The following MTCH2 variants were observed in gnomAD, a reference collection of about 807,000 sequenced individuals.
MTCH2 encodes mitochondrial carrier homolog 2.
MTCH2 carries 25 observed loss-of-function variants against 50.6 expected under a neutral mutation model. The observed-to-expected ratio is 0.49, with a 90% confidence interval of 0.36 to 0.69. MTCH2 has a LOEUF of 0.69. Ranked by LOEUF, MTCH2 falls within the 30% of genes least tolerant of loss-of-function variation. MTCH2 has a pLI of 0.00. For synonymous variants in MTCH2, 106 were observed against 132.0 expected (o/e 0.80, Z 1.35); for missense variants, 273 against 384.4 (o/e 0.71, Z 2.42).
the MTCH2 span, among the ~76,000 whole-genome samples, chr11:47,609,124 CAAAAAAAA>C: frequency 1.1e-5 from 1 of 89,918 alleles, no homozygotes; most frequent in East Asian, 3.3e-4. Flanking sequence ...AACTCTGTCT[CAAAAAAAA>C]AAAAAAAAAA....
chr11:47,639,912 T>C (rs747861356), intron 1 of MTCH2, among the ~76,000 whole-genome samples: 8 of 152,180 alleles, frequency 5.3e-5, no homozygotes, highest in Non-Finnish European at 1.2e-4. Flanking sequence ...CCATTTTATA[T>C]AGTTAATGAT....
chr11:47,619,583 A>G (rs2097291329), intron 12 of MTCH2, among the ~76,000 whole-genome samples: 1 of 152,110 alleles, frequency 6.6e-6, no homozygotes, highest in Non-Finnish European at 1.5e-5. Context: ...ACTACTTATA[A>G]AATCTTATAA....
chr11:47,625,645 T>A, intron 11 of MTCH2, 29 bp downstream of exon 11: 3 of 1,226,142 alleles, frequency 2.4e-6, no homozygotes, highest in Non-Finnish European at 3.1e-6. Context: ...GTCAACCACC[T>A]ACTAGAATAA....
At chr11:47,616,848 T>C (rs1052758417), downstream of MTCH2, among the ~76,000 whole-genome samples, 1 of 151,992 alleles carries the variant, frequency 6.6e-6, no homozygotes, top group Non-Finnish European at 1.5e-5. Flanking sequence ...CATGCCCGGC[T>C]AATTTTGTTA....
downstream of MTCH2, among the ~76,000 whole-genome samples, chr11:47,612,339 G>A (rs901026792): frequency 6.6e-6 from 1 of 152,154 alleles, no homozygotes; most frequent in Admixed American, 6.5e-5. Flanking sequence ...AGGCTGAGAT[G>A]GGCGGATCAT....
In MTCH2 at chr11:47,635,370, C is replaced by T. The variant is rs376713238; in HGVS notation, c.306+175G>A. Among the ~76,000 whole-genome samples, 227 of 152,280 alleles carry T rather than the reference C, an allele frequency of 1.5e-3. 5 individuals carry two copies. The South Asian group carries it at 0.046, about 31-fold the overall frequency. On this transcript the variant is annotated intron_variant, in intron 4 of 12. Transcript: ENST00000302503. ...GATTACAGGCATGAGCCACCATGCC[C>T]AGCCATCCTGATGGTTTCAAACAGA...
chr11:47,614,874 A>G (rs2097287443), downstream of MTCH2, among the ~76,000 whole-genome samples: 1 of 152,030 alleles, frequency 6.6e-6, no homozygotes, highest in Admixed American at 6.6e-5. Context: ...CACCGCACCC[A>G]GTCTTTTATT....
At chr11:47,615,053 TTTTTTTTTG>T, downstream of MTCH2, among the ~76,000 whole-genome samples, 1 of 134,176 alleles carries the variant, frequency 7.5e-6, no homozygotes, top group African/African-American at 2.8e-5. Context: ...TTTTTTTTTT[TTTTTTTTTG>T]GCTCTCAGTT....
intron 8 of MTCH2, among the ~76,000 whole-genome samples, chr11:47,630,283 A>G (rs1168025051): frequency 6.6e-6 from 1 of 152,236 alleles, no homozygotes; most frequent in Non-Finnish European, 1.5e-5. Flanking sequence ...CTGGGATTAC[A>G]GGCGTGAGCC....
chr11:47,632,818 C>T (rs975720528), intron 5 of MTCH2, among the ~76,000 whole-genome samples: 47 of 152,020 alleles, frequency 3.1e-4, no homozygotes, highest in Non-Finnish European at 4.0e-4. Flanking sequence ...CCCGCCTCAG[C>T]CTCCTGAGTA....
At chr11:47,621,654 C>A (rs1379520195) in intron 12 of MTCH2, among the ~76,000 whole-genome samples, 2 of 152,074 alleles carry the variant, frequency 1.3e-5, no homozygotes, top group Non-Finnish European at 2.9e-5. Flanking sequence ...AGGCTGGTCT[C>A]AAACTCCTGA....
chr11:47,630,052 G>A (rs184205527), intron 8 of MTCH2, among the ~76,000 whole-genome samples: 125 of 151,884 alleles, frequency 8.2e-4, no homozygotes, highest in Admixed American at 7.1e-3. Context: ...TTTTTGAGAC[G>A]GAGTCTCACT....
intron 8 of MTCH2, 152 bp downstream of exon 8, chr11:47,630,403 G>T (rs1042976955): frequency 6.1e-6 from 4 of 657,490 alleles, no homozygotes; most frequent in Non-Finnish European, 1.0e-5. Context: ...AGAGAAAAAA[G>T]AAAAAAAAAT....
intron 10 of MTCH2, 89 bp downstream of exon 10, chr11:47,626,988 TTAA>T (rs2097298798): frequency 3.2e-6 from 3 of 951,136 alleles, no homozygotes; most frequent in Non-Finnish European, 4.8e-6. Flanking sequence ...TCTGGTTATC[TTAA>T]AGCAGTGATG....
chr11:47,639,158 T>A, intron 1 of MTCH2, 107 bp from the exon 2 acceptor site: 1 of 973,588 alleles, frequency 1.0e-6, no homozygotes, highest in Non-Finnish European at 1.5e-6. Context: ...TAAACACAAG[T>A]AAAAATGCAG....
Position 47,636,688 on chromosome 11 carries a change from T to C in MTCH2, c.280-1117A>G, listed in dbSNP as rs1477586414. ...TGGAAGCTGCAGTGAGCCGAGACCA[T>C]GCCATTGCACTCCAGCCTGGGCAAC... On this transcript the variant is annotated intron_variant, in intron 3 of 12. Transcript: ENST00000302503. Among the ~76,000 whole-genome samples, 4 of 147,826 alleles carry C rather than the reference T, an allele frequency of 2.7e-5. No homozygotes were observed. In the East Asian group the frequency reaches 6.3e-4, roughly 23 times the overall value.
At chr11:47,630,502 A>G in intron 8 of MTCH2, 53 bp downstream of exon 8, 1 of 1,441,592 alleles carries the variant, frequency 6.9e-7, no homozygotes, top group Non-Finnish European at 9.8e-7. Context: ...TCTTACTTTC[A>G]GAAAACGTTT....
intron 8 of MTCH2, among the ~76,000 whole-genome samples, chr11:47,629,728 G>A (rs184466451): frequency 3.2e-4 from 48 of 150,926 alleles, no homozygotes; most frequent in African/African-American, 9.7e-4. Context: ...TTCAAAATCC[G>A]TATGGGGAGA....
chr11:47,611,831 T>C, the MTCH2 span, among the ~76,000 whole-genome samples: 1 of 152,106 alleles, frequency 6.6e-6, no homozygotes, highest in African/African-American at 2.4e-5. Flanking sequence ...GCAATTACAG[T>C]TTTCATGCAA....
Sources: gnomAD v4.1 joint callset for allele counts (sites outside exome capture counted in the v4.1 genomes callset) on GRCh38, gnomAD v4.1.1 for gene constraint, MANE v1.5 for transcripts, NCBI Gene and HGNC (gene_info 2026-07-23, HGNC 2026-07-21) for gene names.